The following MINDY2 variants were observed in gnomAD, a reference collection of about 807,000 sequenced individuals.
The protein encoded by MINDY2 is ubiquitin carboxyl-terminal hydrolase MINDY-2.
Under a neutral mutation model 68.2 loss-of-function variants are expected in MINDY2, and 52 were observed. That is an observed-to-expected ratio of 0.76 (90% CI 0.61 to 0.96). The LOEUF is 0.96. MINDY2 is among the 40% of genes least tolerant of loss of function. MINDY2 has a pLI of 0.00. For missense variants in MINDY2, 881 were observed against 773.4 expected, an observed-to-expected ratio of 1.14 and a Z score of -1.65; for synonymous variants, 372 against 303.0, an observed-to-expected ratio of 1.23 and a Z score of -2.36.
intron 1 of MINDY2, among the ~76,000 whole-genome samples, chr15:58,785,135 C>CAAAAAAAAAAAAAAAAAAAAA (rs397719705): frequency 1.5e-5 from 1 of 68,466 alleles, no homozygotes; most frequent in Non-Finnish European, 2.7e-5. Flanking sequence ...TGAAGGAAAG[C>CAAAAAAAAAAAAAAAAAAAAA]AAAAAAAAAA....
At chr15:58,785,085 T>G (rs1435848064) in intron 1 of MINDY2, among the ~76,000 whole-genome samples, 1 of 143,872 alleles carries the variant, frequency 7.0e-6, no homozygotes, top group Non-Finnish European at 1.5e-5. Context: ...TATTAGGTCA[T>G]TAAGAAAACC....
Position 58,847,378 on chromosome 15 carries a change from G to A in MINDY2, c.1450G>A (p.Gly484Ser). ...TTGGGAAAGCCTACACAACGTAGAT[G>A]GTGATGGAAATTTCTGTGACTCAGA... Reference protein sequence around the residue: ...VVWESLHNVDGDGNFCDSEFH... With the variant: ...VVWESLHNVDSDGNFCDSEFH... Residue 484 changes from glycine to serine, a missense_variant, in exon 7 of 9, where the codon GGT becomes AGT. Coordinates refer to ENST00000559228, the MANE Select transcript of MINDY2 (RefSeq NM_001040450.3). 1 of 1,609,052 alleles carries A rather than the reference G, an allele frequency of 6.2e-7. No individual in the cohort carries two copies. Among genetic ancestry groups the A allele is most frequent in the Non-Finnish European group, 8.5e-7 (1 of 1,176,292 alleles).
rs1764572461 is a variant in MINDY2, at chr15:58,859,882, ATTC to A, written c.*5276_*5278del. On this transcript the variant is annotated 3_prime_UTR_variant, in exon 9 of 9. Transcript: ENST00000559228. The stretch of plus-strand genomic sequence containing the variant: ...AATTAAACTTGAAAAACGGGGTAAA[ATTC>A]TTCAACTATTGCCTCAAGTTCAGTT... 1 of 152,150 alleles carries A rather than the reference ATTC, an allele frequency of 6.6e-6. No individual in the cohort carries two copies. The highest frequency in any genetic ancestry group is 2.4e-5 in the African/African-American group (1 of 41,440). 9.4% of individuals were successfully genotyped at this position (152,150 alleles called of 1,614,324 possible). A position where few individuals can be genotyped will look rare whatever the true frequency, so the allele number is the denominator to read the frequency against.
intron 1 of MINDY2, among the ~76,000 whole-genome samples, chr15:58,781,775 C>T (rs960771363): frequency 3.9e-5 from 6 of 151,942 alleles, no homozygotes; most frequent in African/African-American, 1.4e-4. Flanking sequence ...TGGTGGCGGG[C>T]GCCTGTAATC....
At chr15:58,788,849 T>C (rs2140921337) in intron 2 of MINDY2, among the ~76,000 whole-genome samples, 1 of 151,602 alleles carries the variant, frequency 6.6e-6, no homozygotes, top group South Asian at 2.1e-4. Context: ...GTGTGTCTAC[T>C]AAAAATACAA....
intron 7 of MINDY2, among the ~76,000 whole-genome samples, chr15:58,849,824 C>T (rs1424033278): frequency 6.6e-6 from 1 of 152,106 alleles, no homozygotes; most frequent in Non-Finnish European, 1.5e-5. Flanking sequence ...TCACTGCAAC[C>T]TCCACCTCCC....
intron 5 of MINDY2, among the ~76,000 whole-genome samples, chr15:58,830,949 T>C (rs1368791220): frequency 6.6e-6 from 1 of 151,698 alleles, no homozygotes; most frequent in Non-Finnish European, 1.5e-5. Context: ...AAATAAATTT[T>C]AGCCAGTTAG....
At chr15:58,784,982 C>T (rs1901390511) in intron 1 of MINDY2, among the ~76,000 whole-genome samples, 2 of 151,740 alleles carry the variant, frequency 1.3e-5, no homozygotes, top group African/African-American at 4.8e-5. Flanking sequence ...ATCAGACAGA[C>T]TGCCACAACT....
chr15:58,791,108 C>T (rs1338971612), intron 2 of MINDY2, among the ~76,000 whole-genome samples: 3 of 145,980 alleles, frequency 2.1e-5, no homozygotes, highest in African/African-American at 2.5e-5. Flanking sequence ...TGAACCCAGG[C>T]GGCGGAGGTT....
intron 6 of MINDY2, among the ~76,000 whole-genome samples, chr15:58,840,255 A>C (rs946527855): frequency 1.3e-5 from 2 of 152,242 alleles, no homozygotes; most frequent in Non-Finnish European, 2.9e-5. Context: ...AATATAGTAC[A>C]AACAATGATT....
In MINDY2 at chr15:58,859,379, ATTATT is replaced by A. The variant is rs2033152412; in HGVS notation, c.*4773_*4777del. The A allele has an allele frequency of 6.6e-6, 1 of 152,134 alleles. No homozygotes were observed. Among genetic ancestry groups the A allele is most frequent in the South Asian group, 2.1e-4 (1 of 4,824 alleles). The allele number at this position is 152,134 out of a possible 1,614,324, so 9.4% of individuals were successfully genotyped here. A position where few individuals can be genotyped will look rare whatever the true frequency, so the allele number is the denominator to read the frequency against. On this transcript the variant is annotated 3_prime_UTR_variant, in exon 9 of 9. Transcript: ENST00000559228. ...AATTCATTTAGATCTCTCAAGTAAT[ATTATT>A]TTAGGGCTATATAAATTGTGTTTTT...
chr15:58,780,174 G>C (rs1342454966), intron 1 of MINDY2, among the ~76,000 whole-genome samples: 1 of 152,124 alleles, frequency 6.6e-6, no homozygotes, highest in African/African-American at 2.4e-5. Flanking sequence ...TGAGGCCGAG[G>C]CAGGCGGATC....
At chr15:58,798,291 A>AT (rs754213911) in intron 2 of MINDY2, among the ~76,000 whole-genome samples, 3,272 of 131,126 alleles carry the variant, frequency 0.025, 101 homozygotes, top group African/African-American at 0.08. Flanking sequence ...TAATTTTTGT[A>AT]TTTTTTTTTT....
chr15:58,853,725 G>T (rs915365774), intron 8 of MINDY2, among the ~76,000 whole-genome samples: 1 of 151,082 alleles, frequency 6.6e-6, no homozygotes, highest in African/African-American at 2.4e-5. Flanking sequence ...GAGACTTGAG[G>T]CAGGAGAATC....
intron 1 of MINDY2, among the ~76,000 whole-genome samples, chr15:58,784,685 T>C (rs1050468592): frequency 2.7e-5 from 4 of 150,426 alleles, no homozygotes; most frequent in Non-Finnish European, 5.9e-5. Context: ...AGTGGCATGA[T>C]AGCGGCTCAC....
intron 6 of MINDY2, among the ~76,000 whole-genome samples, chr15:58,837,244 G>T (rs1479305783): frequency 6.6e-6 from 1 of 152,088 alleles, no homozygotes; most frequent in Non-Finnish European, 1.5e-5. Context: ...GAGCCCCAGA[G>T]AATGTGTGAT....
chr15:58,840,386 G>C (rs140887489), intron 6 of MINDY2, among the ~76,000 whole-genome samples: 11 of 152,104 alleles, frequency 7.2e-5, no homozygotes, highest in African/African-American at 2.4e-4. Context: ...AAATACCTCT[G>C]TGTTTCTTTC....
intron 6 of MINDY2, among the ~76,000 whole-genome samples, chr15:58,841,462 A>G (rs548899543): frequency 8.9e-5 from 13 of 145,500 alleles, no homozygotes; most frequent in African/African-American, 3.3e-4. Context: ...CTGGAGTGCA[A>G]TGGTGTGATC....
At chr15:58,785,152 A>AG (rs1286304514) in intron 1 of MINDY2, among the ~76,000 whole-genome samples, 65 of 124,670 alleles carry the variant, frequency 5.2e-4, no homozygotes, top group Non-Finnish European at 9.6e-4. Context: ...AAAAAAAAAA[A>AG]AAAAAAGAAA....
Sources: allele counts gnomAD v4.1 joint callset (sites outside exome capture counted in the v4.1 genomes callset), GRCh38; gene constraint gnomAD v4.1.1; transcripts MANE v1.5; gene names NCBI Gene and HGNC (gene_info 2026-07-23, HGNC 2026-07-21).